NOS1AP: variants seen among roughly 807,000 people sequenced by gnomAD.
NOS1AP encodes nitric oxide synthase 1 adaptor protein, also known as carboxyl-terminal PDZ ligand of neuronal nitric oxide synthase protein.
Under a neutral mutation model 56.2 loss-of-function variants are expected in NOS1AP, and 21 were observed. The observed-to-expected ratio is 0.37, with a 90% CI of 0.26 to 0.54. NOS1AP has a LOEUF of 0.54. NOS1AP is among the 20% of genes least tolerant of loss of function. NOS1AP has a pLI of 0.84. For synonymous variants in NOS1AP, 270 were observed against 274.6 expected, an observed-to-expected ratio of 0.98 and a Z score of 0.17; for missense variants, 522 against 657.8, an observed-to-expected ratio of 0.79 and a Z score of 2.26.
intron 6 of NOS1AP, among the ~76,000 whole-genome samples, chr1:162,352,978 A>G (rs28404118): frequency 0.019 from 2,899 of 152,166 alleles, 92 homozygotes; most frequent in African/African-American, 0.067. Context: ...ATAGGATGCC[A>G]TTCTCCATTC....
intron 3 of NOS1AP, among the ~76,000 whole-genome samples, chr1:162,288,413 G>C (rs760862883): frequency 6.6e-6 from 1 of 152,228 alleles, no homozygotes; most frequent in African/African-American, 2.4e-5. Context: ...TAGAGGGAGA[G>C]AGTGTGGAGG....
chr1:162,190,693 T>G (rs895581248), intron 2 of NOS1AP, among the ~76,000 whole-genome samples: 1 of 152,168 alleles, frequency 6.6e-6, no homozygotes, highest in Non-Finnish European at 1.5e-5. Flanking sequence ...GGTGGAGAAG[T>G]CTGGGACTTA....
intron 1 of NOS1AP, among the ~76,000 whole-genome samples, chr1:162,087,349 TG>T (rs1439285145): frequency 9.9e-5 from 15 of 152,186 alleles, no homozygotes; most frequent in African/African-American, 3.4e-4. Context: ...ATGCATTGGA[TG>T]TGCCATGTGG....
At chr1:162,364,475 C>A in intron 8 of NOS1AP, 16 of 985,460 alleles carry the variant, frequency 1.6e-5, no homozygotes, top group Non-Finnish European at 1.9e-5. Flanking sequence ...GGTCTGGTTG[C>A]CCCTGTCTCC....
chr1:162,217,589 A>C (rs777050302), intron 2 of NOS1AP, among the ~76,000 whole-genome samples: 33 of 152,122 alleles, frequency 2.2e-4, no homozygotes, highest in Non-Finnish European at 3.8e-4. Context: ...TTGTTCAAGC[A>C]CTGGTGTGCT....
intron 2 of NOS1AP, among the ~76,000 whole-genome samples, chr1:162,177,137 C>G (rs1464304578): frequency 6.6e-6 from 1 of 152,106 alleles, no homozygotes. Flanking sequence ...CATTGACCAC[C>G]CTTCTTGCTG....
chr1:162,129,603 A>G (rs2102061624), intron 1 of NOS1AP, among the ~76,000 whole-genome samples: 1 of 152,326 alleles, frequency 6.6e-6, no homozygotes, highest in East Asian at 1.9e-4. Context: ...TAATACATTG[A>G]CACTGGTCTT....
chr1:162,184,671 C>A (rs1651368679), intron 2 of NOS1AP, among the ~76,000 whole-genome samples: 1 of 152,126 alleles, frequency 6.6e-6, no homozygotes. Flanking sequence ...TCTCCTCCAC[C>A]AATACCATGT....
At chr1:162,101,520 G>T (rs529504488) in intron 1 of NOS1AP, among the ~76,000 whole-genome samples, 434 of 152,206 alleles carry the variant, frequency 2.9e-3, no homozygotes, top group Non-Finnish European at 5.3e-3. Context: ...AAATTACTTT[G>T]GGCAGTATGT....
chr1:162,325,807 G>A (rs757426730), intron 4 of NOS1AP, among the ~76,000 whole-genome samples: 8 of 150,808 alleles, frequency 5.3e-5, no homozygotes, highest in Middle Eastern at 6.8e-3. Context: ...GTTTCATTTC[G>A]CTCTGTGCTG....
At chr1:162,362,998 T>C in intron 8 of NOS1AP, 1 of 770,618 alleles carries the variant, frequency 1.3e-6, no homozygotes, top group Non-Finnish European at 1.6e-6. Flanking sequence ...ACCAAATGTA[T>C]GGGGCTTTTT....
intron 1 of NOS1AP, among the ~76,000 whole-genome samples, chr1:162,135,293 G>A (rs904157861): frequency 1.3e-5 from 2 of 152,172 alleles, no homozygotes; most frequent in Non-Finnish European, 2.9e-5. Context: ...GACTGGCTGG[G>A]TCATGTCAGG....
chr1:162,172,583 AG>A (rs1437088681), intron 2 of NOS1AP, among the ~76,000 whole-genome samples: 1 of 152,196 alleles, frequency 6.6e-6, no homozygotes, highest in Non-Finnish European at 1.5e-5. Context: ...GGGTGGTTTA[AG>A]TGGAATGTCA....
chr1:162,136,025 G>A (rs374213325), intron 1 of NOS1AP, among the ~76,000 whole-genome samples: 3 of 152,168 alleles, frequency 2.0e-5, no homozygotes, highest in African/African-American at 7.2e-5. Context: ...TCTAGTGAAA[G>A]CTATGTTATA....
intron 4 of NOS1AP, among the ~76,000 whole-genome samples, chr1:162,320,113 T>G (rs1376164476): frequency 6.6e-6 from 1 of 152,082 alleles, no homozygotes; most frequent in East Asian, 1.9e-4. Flanking sequence ...CAGACTCAGC[T>G]CTGTATCTTG....
At chr1:162,251,682 A>G (rs1292236841) in intron 2 of NOS1AP, among the ~76,000 whole-genome samples, 1 of 150,088 alleles carries the variant, frequency 6.7e-6, no homozygotes, top group East Asian at 2.0e-4. Flanking sequence ...ATGTGTGTGT[A>G]TATATACACA....
At chr1:162,115,745 T>C (rs1647920276) in intron 1 of NOS1AP, among the ~76,000 whole-genome samples, 1 of 152,170 alleles carries the variant, frequency 6.6e-6, no homozygotes, top group African/African-American at 2.4e-5. Flanking sequence ...ATTGGTTTCA[T>C]CTTGAAAACT....
chr1:162,264,043 C>A (rs761824181), intron 2 of NOS1AP, among the ~76,000 whole-genome samples: 16 of 152,214 alleles, frequency 1.1e-4, no homozygotes, highest in Non-Finnish European at 1.6e-4. Context: ...CGAATGGTTT[C>A]CCTACATCTA....
At chr1:162,206,738 A>C (rs1461776418) in intron 2 of NOS1AP, among the ~76,000 whole-genome samples, 1 of 152,232 alleles carries the variant, frequency 6.6e-6, no homozygotes, top group Non-Finnish European at 1.5e-5. Context: ...TGTGGCTGGC[A>C]CATGATATTG....
Sources: gnomAD v4.1 joint callset for allele counts (sites outside exome capture counted in the v4.1 genomes callset) on GRCh38, gnomAD v4.1.1 for gene constraint, MANE v1.5 for transcripts, NCBI Gene and HGNC (gene_info 2026-07-23, HGNC 2026-07-21) for gene names.